Variants in CCDC30 observed in about 807,000 individuals in gnomAD.
CCDC30 encodes the protein coiled-coil domain containing 30, also known as coiled-coil domain-containing protein 30.
In CCDC30, 70 loss-of-function variants were observed where a neutral mutation model predicts 100.2. That is an observed-to-expected ratio of 0.70 (90% CI 0.58 to 0.85). The LOEUF (loss-of-function observed/expected upper bound fraction) is 0.85, where lower values mean the gene tolerates loss of function less well. Ranked by LOEUF, CCDC30 falls within the 40% of genes least tolerant of loss-of-function variation. CCDC30 has a pLI of 0.00. For synonymous variants in CCDC30, 233 were observed against 269.5 expected, an observed-to-expected ratio of 0.86 and a Z score of 1.33; for missense variants, 652 against 771.2, an observed-to-expected ratio of 0.85 and a Z score of 1.83.
At chr1:42,501,698 C>G (rs2783379) in intron 6 of CCDC30, among the ~76,000 whole-genome samples, 149,204 of 152,266 alleles carry the variant, frequency 0.98, 73,168 homozygotes, top group East Asian at 1. Context: ...CTGCAGGTCT[C>G]TTGGAGTTTG....
intron 6 of CCDC30, among the ~76,000 whole-genome samples, chr1:42,517,345 A>G (rs1000481394): frequency 5.9e-5 from 9 of 152,226 alleles, no homozygotes; most frequent in African/African-American, 2.2e-4. Context: ...GGCCTCCCAA[A>G]GTGGTAGGAT....
intron 6 of CCDC30, among the ~76,000 whole-genome samples, chr1:42,559,875 G>A (rs1053314131): frequency 6.6e-6 from 1 of 152,028 alleles, no homozygotes; most frequent in South Asian, 2.1e-4. Flanking sequence ...TTCTAAAATC[G>A]ACCACATAAT....
chr1:42,584,405 A>T (rs1212686464), intron 9 of CCDC30, among the ~76,000 whole-genome samples: 1 of 152,220 alleles, frequency 6.6e-6, no homozygotes, highest in Non-Finnish European at 1.5e-5. Flanking sequence ...AGCCTGGCCA[A>T]CATAGTGAAA....
intron 15 of CCDC30, among the ~76,000 whole-genome samples, chr1:42,647,739 T>G (rs1648002755): frequency 6.6e-6 from 1 of 152,060 alleles, no homozygotes; most frequent in East Asian, 1.9e-4. Flanking sequence ...TTGAACACAA[T>G]GAAATGAAAC....
chr1:42,464,767 C>A (rs1353850117), intron 1 of CCDC30, among the ~76,000 whole-genome samples: 1 of 152,136 alleles, frequency 6.6e-6, no homozygotes, highest in Non-Finnish European at 1.5e-5. Flanking sequence ...TAAAAGTAAA[C>A]CTATTTTGAG....
intron 2 of CCDC30, among the ~76,000 whole-genome samples, chr1:42,481,083 C>T (rs1395507311): frequency 2.0e-5 from 3 of 150,836 alleles, no homozygotes; most frequent in South Asian, 2.1e-4. Flanking sequence ...TGCACTCTAG[C>T]CTGGGTGACA....
chr1:42,626,152 G>A (rs1646929635), intron 11 of CCDC30, among the ~76,000 whole-genome samples: 1 of 151,886 alleles, frequency 6.6e-6, no homozygotes, highest in African/African-American at 2.4e-5. Context: ...AATCTATTTT[G>A]TCTGATATAA....
chr1:42,581,879 C>T (rs1265788582), intron 9 of CCDC30, among the ~76,000 whole-genome samples: 3 of 151,778 alleles, frequency 2.0e-5, no homozygotes, highest in Admixed American at 6.6e-5. Flanking sequence ...ATATTCTGTA[C>T]GAGGGGACTT....
chr1:42,494,020 C>A lies in CCDC30; in HGVS notation c.242-3078C>A, dbSNP rs111500404. Among the ~76,000 whole-genome samples, 1,195 of 152,224 alleles carry A rather than the reference C, an allele frequency of 7.9e-3. 21 individuals carry two copies. Among genetic ancestry groups the A allele is most frequent in the African/African-American group, 0.027 (1,117 of 41,524 alleles). On this transcript the variant is annotated intron_variant, in intron 4 of 16. Coordinates refer to ENST00000668663, the Ensembl canonical transcript of CCDC30. ...CTTGAAGTCAAGAGTTCAAGACCAG[C>A]CTGGTGAGCATGGCGAAACCCCATC...
chr1:42,651,342 G>C (rs960985831), intron 15 of CCDC30, among the ~76,000 whole-genome samples: 1 of 151,944 alleles, frequency 6.6e-6, no homozygotes, highest in African/African-American at 2.4e-5. Context: ...CATCTGATAA[G>C]GGATTAATAT....
At chr1:42,461,550 CTTT>C (rs34955190), upstream of CCDC30, among the ~76,000 whole-genome samples, 3 of 140,558 alleles carry the variant, frequency 2.1e-5, no homozygotes, top group South Asian at 2.3e-4. Flanking sequence ...TACCCAGGCT[CTTT>C]TTTTTTTTTT....
In CCDC30 at chr1:42,616,119, T is replaced by C. The variant is rs140940843; in HGVS notation, c.1277+5029T>C. 5.0e-3 allele frequency among the ~76,000 whole-genome samples: 768 copies of C among 152,316 alleles called. 3 individuals are homozygous for C. Among genetic ancestry groups the C allele is most frequent in the African/African-American group, 0.017 (727 of 41,580 alleles). On this transcript the variant is annotated intron_variant, in intron 11 of 16. Coordinates refer to ENST00000668663, the Ensembl canonical transcript of CCDC30. ...TTAGTAGAGACAGGGTTTCGCCATA[T>C]TGGCCAAGCTGGTCTCGAACTCCTG... is the stretch of plus-strand genomic sequence containing the variant.
At chr1:42,625,725 G>C (rs549543693) in intron 11 of CCDC30, among the ~76,000 whole-genome samples, 1 of 151,940 alleles carries the variant, frequency 6.6e-6, no homozygotes, top group African/African-American at 2.4e-5. Context: ...GAAAATGCTT[G>C]ATATTATTTC....
At chr1:42,489,450 T>G (rs1644101844) in intron 3 of CCDC30, among the ~76,000 whole-genome samples, 1 of 152,202 alleles carries the variant, frequency 6.6e-6, no homozygotes, top group Non-Finnish European at 1.5e-5. Flanking sequence ...GAACTGAGTG[T>G]TACGGATGTA....
intron 11 of CCDC30, among the ~76,000 whole-genome samples, chr1:42,620,462 C>A (rs147880612): frequency 0.016 from 2,386 of 152,110 alleles, 35 homozygotes; most frequent in Admixed American, 0.036. Context: ...TGAGGAAGAG[C>A]TGCCTGCAGG....
intron 11 of CCDC30, among the ~76,000 whole-genome samples, chr1:42,618,967 T>C (rs960152507): frequency 6.6e-6 from 1 of 152,180 alleles, no homozygotes; most frequent in African/African-American, 2.4e-5. Context: ...TGCTGAGTAA[T>C]ATTCTGTTGG....
intron 6 of CCDC30, among the ~76,000 whole-genome samples, chr1:42,555,875 A>G (rs1049515591): frequency 4.6e-5 from 7 of 152,154 alleles, no homozygotes; most frequent in African/African-American, 1.4e-4. Context: ...CTTTTAGTAG[A>G]GACGGGGTTT....
intron 10 of CCDC30, among the ~76,000 whole-genome samples, chr1:42,604,595 C>T (rs6694108): frequency 0.44 from 66,562 of 152,070 alleles, 14,854 homozygotes; most frequent in African/African-American, 0.45. Context: ...GTCCACACCT[C>T]GAATTGTGAA....
At chr1:42,614,803 A>G (rs1231396027) in intron 11 of CCDC30, among the ~76,000 whole-genome samples, 1 of 150,718 alleles carries the variant, frequency 6.6e-6, no homozygotes, top group Non-Finnish European at 1.5e-5. Context: ...AAAAAAAAAG[A>G]TACAGAATAT....
Sources: allele counts gnomAD v4.1 joint callset (sites outside exome capture counted in the v4.1 genomes callset), GRCh38; gene constraint gnomAD v4.1.1; transcripts MANE v1.5; gene names NCBI Gene and HGNC (gene_info 2026-07-23, HGNC 2026-07-21).